The following RIF1 variants were observed in gnomAD, a reference collection of about 807,000 sequenced individuals.
RIF1 encodes telomere-associated protein RIF1.
In RIF1, 45 loss-of-function variants were observed where a neutral mutation model predicts 247.1. The ratio of observed to expected loss-of-function variants is 0.18; its 90% CI spans 0.14 to 0.23. The LOEUF (loss-of-function observed/expected upper bound fraction) is 0.23. RIF1 is among the 10% of genes least tolerant of loss of function. The pLI is 1.00. For synonymous variants in RIF1, 1,087 were observed against 978.8 expected (o/e 1.11, Z -2.06); for missense variants, 2,967 against 2,862.5 (o/e 1.04, Z -0.83).
intron 9 of RIF1, chr2:151,493,967 A>G (rs768131934): frequency 1.1e-6 from 1 of 931,484 alleles, no homozygotes; most frequent in Admixed American, 2.7e-5. Flanking sequence ...ATCTATTACT[A>G]TTAGTGAGAA....
At chr2:151,527,660 G>A in the RIF1 span, 5 of 1,026,546 alleles carry the variant, frequency 4.9e-6, no homozygotes, top group Non-Finnish European at 7.3e-6. Context: ...GGCACAGAGG[G>A]GCTCTTGCAT....
chr2:151,512,686 C>A (rs763607680), downstream of RIF1: 4 of 1,320,706 alleles, frequency 3.0e-6, no homozygotes, highest in Non-Finnish European at 4.4e-6. Context: ...GACTTCCATT[C>A]TTTCATGATT....
At chr2:151,485,814 C>T (rs1574250751), downstream of RIF1, 1 of 1,613,968 alleles carries the variant, frequency 6.2e-7, no homozygotes, top group Admixed American at 1.7e-5. Context: ...CAGTCCTCTG[C>T]ACAGTGCCAT....
Position 151,467,980 on chromosome 2 carries a change from ATCCTG to A in RIF1, c.6601-19_6601-15del. 2 of 1,588,178 alleles carry A rather than the reference ATCCTG, an allele frequency of 1.3e-6. No individual in the cohort carries two copies. The highest frequency in any genetic ancestry group is 2.3e-5 in the South Asian group (2 of 85,344). ...AAAAACTTTAATTTTGTTAAGTAAA[ATCCTG>A]ACCTGTGTTTTCAGGTTCGCCGTGT... On this transcript the variant is annotated splice_polypyrimidine_tract_variant and intron_variant, in intron 30 of 35. Coordinates refer to ENST00000444746, the MANE Select transcript of RIF1 (RefSeq NM_018151.5).
At chr2:151,494,638 T>G (rs566889654) in intron 9 of RIF1, among the ~76,000 whole-genome samples, 78 of 152,226 alleles carry the variant, frequency 5.1e-4, no homozygotes, top group African/African-American at 1.2e-3. Flanking sequence ...TGTTTGTTTT[T>G]TTTTGTTTTG....
intron 11 of RIF1, among the ~76,000 whole-genome samples, chr2:151,501,938 ATTAAT>A (rs1164818309): frequency 3.3e-5 from 5 of 152,238 alleles, no homozygotes; most frequent in Admixed American, 6.5e-5. Context: ...CAAAGGAAAA[ATTAAT>A]TTATATCTTA....
At chr2:151,433,748 C>T (rs1009162836) in intron 10 of RIF1, among the ~76,000 whole-genome samples, 37 of 152,090 alleles carry the variant, frequency 2.4e-4, no homozygotes, top group Non-Finnish European at 4.9e-4. Flanking sequence ...AGCCACCGCG[C>T]CTGGCCCTGA....
At chr2:151,468,932 CATTT>C (rs984030335) in intron 33 of RIF1, among the ~76,000 whole-genome samples, 176 bp downstream of exon 33, 1 of 152,114 alleles carries the variant, frequency 6.6e-6, no homozygotes, top group African/African-American at 2.4e-5. Context: ...ATATGAAAAA[CATTT>C]AGTATAGTAA....
exon 11 of RIF1, chr2:151,499,412 C>A (rs897084741): frequency 7.1e-7 from 1 of 1,402,466 alleles, no homozygotes; most frequent in Non-Finnish European, 9.9e-7. Context: ...AAGAAAGCAT[C>A]CAGAAAAAAC....
intron 23 of RIF1, among the ~76,000 whole-genome samples, chr2:151,456,967 C>G (rs1574091991): frequency 6.6e-6 from 1 of 152,142 alleles, no homozygotes; most frequent in South Asian, 2.1e-4. Flanking sequence ...CTCCTGACCT[C>G]AAGTGATTCG....
rs2049135698 is a variant in RIF1 at position 151,480,795 on chromosome 2, AAAAG to A, written c.*5728_*5731del. 1 of 152,188 alleles carries A rather than the reference AAAAG, an allele frequency of 6.6e-6. No homozygotes were observed. The highest frequency in any genetic ancestry group is 6.5e-5 in the Admixed American group (1 of 15,270). 9.4% of individuals were successfully genotyped at this position (152,188 alleles called of 1,614,324 possible). ...TATTTTTATAGAATAGGAAGTTTCTAAAAGAAAACAATTAAGAGCAAAATTGGTT... is the reference window on the plus strand; with the variant it reads ...TATTTTTATAGAATAGGAAGTTTCTAAAAACAATTAAGAGCAAAATTGGTT... On this transcript the variant is annotated 3_prime_UTR_variant, in exon 36 of 36. Transcript: ENST00000444746.
At chr2:151,520,719 C>G in the RIF1 span, among the ~76,000 whole-genome samples, 1 of 151,980 alleles carries the variant, frequency 6.6e-6, no homozygotes, top group Non-Finnish European at 1.5e-5. Flanking sequence ...CAAAAATTAA[C>G]TGGGCATTGT....
At position 151,468,675 on chromosome 2, in the gene RIF1, C is replaced by T. The variant is rs748440713; in HGVS notation, c.6860C>T (p.Pro2287Leu). The change falls in exon 33 of 36, where the codon CCA becomes CTA. Residue 2287 changes from proline to leucine, a missense_variant. This residue lies in a region of RIF1 where 2,028 missense variants were observed against 1,825.6 expected (regional missense o/e 1.11). Coordinates refer to ENST00000444746, the MANE Select transcript of RIF1 (RefSeq NM_018151.5). Reference sequence around the variant, plus strand: ...ATGGCCAAAGAATCCATACCATGCCCAACAGAAAGTGTTTACCCACCATTG... The same window carrying T: ...ATGGCCAAAGAATCCATACCATGCCTAACAGAAAGTGTTTACCCACCATTG... ...SEMAKESIPC[P>L]TESVYPPLVN... 1.3e-5 allele frequency: 21 copies of T among 1,613,968 alleles called. No homozygotes were observed. The South Asian group carries it at 2.3e-4, about 18-fold the overall frequency.
intron 10 of RIF1, chr2:151,496,134 A>G: frequency 3.1e-6 from 3 of 960,562 alleles, no homozygotes; most frequent in Admixed American, 2.3e-5. Context: ...GAAGTAGCCC[A>G]AAGGAAAAAA....
At chr2:151,521,792 A>G in the RIF1 span, among the ~76,000 whole-genome samples, 345 of 152,296 alleles carry the variant, frequency 2.3e-3, 8 homozygotes, top group East Asian at 0.044. Context: ...CCTTCTCCAT[A>G]GGAAGTCCTC....
intron 9 of RIF1, 148 bp downstream of exon 9, chr2:151,429,070 T>C (rs1689595709): frequency 3.4e-6 from 2 of 591,426 alleles, no homozygotes; most frequent in Admixed American, 3.3e-5. Flanking sequence ...AATAAATTTG[T>C]ACTGAAAATA....
intron 3 of RIF1, 84 bp from the exon 4 acceptor site, chr2:151,414,739 G>T: frequency 2.3e-6 from 2 of 856,182 alleles, no homozygotes; most frequent in Non-Finnish European, 3.8e-6. Flanking sequence ...TGATGAATAT[G>T]CTTGTTCTGT....
At chr2:151,415,488 G>A (rs2152106615) in intron 4 of RIF1, among the ~76,000 whole-genome samples, 1 of 149,560 alleles carries the variant, frequency 6.7e-6, no homozygotes, top group Admixed American at 6.7e-5. Flanking sequence ...CATCTGCTGG[G>A]GAGGCTGAGG....
chr2:151,528,067 G>A, the RIF1 span, among the ~76,000 whole-genome samples: 1 of 152,116 alleles, frequency 6.6e-6, no homozygotes, highest in South Asian at 2.1e-4. Flanking sequence ...ATAGACAGCT[G>A]AAGAACTGGA....
Sources: allele counts gnomAD v4.1 joint callset (sites outside exome capture counted in the v4.1 genomes callset), GRCh38; gene constraint gnomAD v4.1.1; regional missense constraint gnomAD v4.1.1; transcripts MANE v1.5; gene names NCBI Gene and HGNC (gene_info 2026-07-23, HGNC 2026-07-21).